ANXA4: variants seen among roughly 807,000 people sequenced by gnomAD.
The protein encoded by ANXA4 is 35-beta calcimedin.
A neutral mutation model predicts 49.8 loss-of-function variants in ANXA4; 39 were observed. The observed-to-expected ratio is 0.78, with a 90% CI of 0.61 to 1.02. The LOEUF is 1.02. Ranked by LOEUF, ANXA4 falls within the 50% of genes least tolerant of loss-of-function variation. ANXA4 has a pLI of 0.00. For synonymous variants in ANXA4, 134 were observed against 152.5 expected (o/e 0.88, Z 0.89); for missense variants, 360 against 410.1 (o/e 0.88, Z 1.05).
chr2:69,664,224 TATTTCAG>T (rs544346317), intron 2 of ANXA4, among the ~76,000 whole-genome samples: 93 of 152,342 alleles, frequency 6.1e-4, no homozygotes, highest in Non-Finnish European at 1.1e-3. Context: ...GGGGTAAATG[TATTTCAG>T]ACACGTACAA....
intron 12 of ANXA4, among the ~76,000 whole-genome samples, chr2:69,824,084 A>G (rs1414912273): frequency 6.6e-6 from 1 of 152,132 alleles, no homozygotes; most frequent in Non-Finnish European, 1.5e-5. Flanking sequence ...GTCTCTAAAA[A>G]TATAATAAAA....
At chr2:69,758,830 AG>A (rs1233722950) in intron 1 of ANXA4, among the ~76,000 whole-genome samples, 1 of 151,948 alleles carries the variant, frequency 6.6e-6, no homozygotes, top group African/African-American at 2.4e-5. Flanking sequence ...AGTATCTACA[AG>A]GCTAATTGTA....
At chr2:69,759,975 G>T (rs1194277271) in intron 1 of ANXA4, among the ~76,000 whole-genome samples, 1 of 152,062 alleles carries the variant, frequency 6.6e-6, no homozygotes, top group Non-Finnish European at 1.5e-5. Flanking sequence ...TGGGACTACA[G>T]GTGCCCGCCA....
At chr2:69,818,960 G>C (rs1674117514) in intron 10 of ANXA4, among the ~76,000 whole-genome samples, 1 of 152,168 alleles carries the variant, frequency 6.6e-6, no homozygotes, top group African/African-American at 2.4e-5. Context: ...GCTGCAGCTT[G>C]CAAGTCTGTG....
intron 1 of ANXA4, among the ~76,000 whole-genome samples, chr2:69,745,580 G>C (rs572691202): frequency 5.3e-5 from 8 of 151,918 alleles, no homozygotes; most frequent in African/African-American, 1.9e-4. Context: ...ACTCAGGCTG[G>C]AGTGCAATGG....
chr2:69,643,851 T>C, upstream of ANXA4: 2 of 1,179,794 alleles, frequency 1.7e-6, no homozygotes, highest in Non-Finnish European at 2.1e-6. Context: ...GACCGGGGCC[T>C]CTCCTGCAAC....
intron 7 of ANXA4, chr2:69,810,905 C>T (rs896923108): frequency 7.6e-6 from 4 of 528,170 alleles, no homozygotes; most frequent in South Asian, 2.2e-5. Context: ...TGCCAGGTCC[C>T]CCTGTCACTC....
intron 2 of ANXA4, among the ~76,000 whole-genome samples, chr2:69,699,024 T>C (rs1475814395): frequency 2.0e-5 from 3 of 152,098 alleles, no homozygotes; most frequent in Non-Finnish European, 2.9e-5. Flanking sequence ...CTTAAAAAGC[T>C]GATGGATTGA....
At chr2:69,662,427 C>T (rs1014507826) in intron 2 of ANXA4, among the ~76,000 whole-genome samples, 1 of 152,034 alleles carries the variant, frequency 6.6e-6, no homozygotes, top group African/African-American at 2.4e-5. Flanking sequence ...GGATTAGGCT[C>T]CATCCCTGAG....
upstream of ANXA4, among the ~76,000 whole-genome samples, chr2:69,738,400 C>T (rs1446770849): frequency 6.6e-6 from 1 of 152,138 alleles, no homozygotes; most frequent in Non-Finnish European, 1.5e-5. Flanking sequence ...TACCAAGCAG[C>T]TCAGTAGGCA....
At position 69,686,600 on chromosome 2, in the gene ANXA4, G is replaced by A. The variant is rs534977185; in HGVS notation, n.766+33318G>A. Among the ~76,000 whole-genome samples, 117 of 152,222 alleles carry A rather than the reference G, an allele frequency of 7.7e-4. 1 individual carries two copies. The highest frequency in any genetic ancestry group is 2.6e-3 in the African/African-American group (106 of 41,540). On this transcript the variant is annotated intron_variant and non_coding_transcript_variant, in intron 2 of 3. Transcript: ENST00000418066. ...CTTGGATAGCTGAGACCACAGACGT[G>A]CCCCACCATGCTTGGCTAATACTTT...
intron 2 of ANXA4, among the ~76,000 whole-genome samples, chr2:69,716,737 C>T (rs762784088): frequency 1.1e-4 from 16 of 152,108 alleles, no homozygotes; most frequent in Non-Finnish European, 1.5e-4. Flanking sequence ...AATGACTCGA[C>T]GTTTTTGACT....
chr2:69,820,599 C>T (rs1219290238), intron 11 of ANXA4, 100 bp from the exon 12 acceptor site: 15 of 1,422,994 alleles, frequency 1.1e-5, no homozygotes, highest in African/African-American at 8.5e-5. Context: ...CAAAGGACAT[C>T]GTCAGCACAG....
At chr2:69,765,769 T>C (rs1671470117) in intron 1 of ANXA4, among the ~76,000 whole-genome samples, 1 of 152,174 alleles carries the variant, frequency 6.6e-6, no homozygotes, top group Admixed American at 6.5e-5. Flanking sequence ...AGTTCGATAC[T>C]ATGCTAATGG....
At chr2:69,778,753 C>T (rs1416530707) in intron 1 of ANXA4, among the ~76,000 whole-genome samples, 4 of 111,238 alleles carry the variant, frequency 3.6e-5, no homozygotes, top group Non-Finnish European at 6.6e-5. Context: ...CCAGCCTGGG[C>T]AACGAGAGTG....
chr2:69,660,777 A>AGG (rs1676684430), intron 2 of ANXA4, among the ~76,000 whole-genome samples: 1 of 148,464 alleles, frequency 6.7e-6, no homozygotes, highest in African/African-American at 2.5e-5. Flanking sequence ...GGAGGGAGGG[A>AGG]GAGAGAGAGA....
In ANXA4 at chr2:69,808,042, A is replaced by G. The variant is rs142525768; in HGVS notation, c.397+46A>G. The G allele has an allele frequency of 7.7e-4, 1,202 of 1,561,962 alleles. 5 individuals carry two copies. The African/African-American group carries it at 0.014, about 18-fold the overall frequency. On this transcript the variant is annotated intron_variant, in intron 6 of 12. Transcript: ENST00000394295. Reference sequence around the variant, plus strand: ...CCCTGGCTGAGGTTTCGCTGTGATTAGAGAATGAGGGTAGCAGCGGGTTGT... The same window carrying G: ...CCCTGGCTGAGGTTTCGCTGTGATTGGAGAATGAGGGTAGCAGCGGGTTGT...
chr2:69,645,096 T>C (rs1014874400), intron 1 of ANXA4, among the ~76,000 whole-genome samples: 6 of 152,196 alleles, frequency 3.9e-5, no homozygotes, highest in Non-Finnish European at 7.3e-5. Flanking sequence ...AATTTTTTTT[T>C]CAGCGGGTAT....
At chr2:69,821,797 G>C (rs1021896327) in intron 12 of ANXA4, among the ~76,000 whole-genome samples, 4 of 152,124 alleles carry the variant, frequency 2.6e-5, no homozygotes, top group Non-Finnish European at 5.9e-5. Context: ...GCAGGAACTT[G>C]TTTCTATTTC....
Sources: gnomAD v4.1 joint callset for allele counts (sites outside exome capture counted in the v4.1 genomes callset) on GRCh38, gnomAD v4.1.1 for gene constraint, MANE v1.5 for transcripts, NCBI Gene and HGNC (gene_info 2026-07-23, HGNC 2026-07-21) for gene names.